LIN7A: variants seen among roughly 807,000 people sequenced by gnomAD.
LIN7A encodes the protein lin-7 cell polarity scaffold A, also known as protein lin-7 homolog A.
A neutral mutation model predicts 29.8 loss-of-function variants in LIN7A; 25 were observed. The observed-to-expected ratio is 0.84, with a 90% confidence interval of 0.61 to 1.17. The LOEUF (loss-of-function observed/expected upper bound fraction) is 1.17, where lower values mean the gene tolerates loss of function less well. Ranked by LOEUF, LIN7A falls within the 50% of genes most tolerant of loss-of-function variation. The pLI is 0.00. For missense variants in LIN7A, 239 were observed against 287.0 expected, an observed-to-expected ratio of 0.83 and a Z score of 1.21; for synonymous variants, 118 against 107.5, an observed-to-expected ratio of 1.10 and a Z score of -0.60.
At chr12:80,813,811 C>G (rs1175792007) in intron 4 of LIN7A, among the ~76,000 whole-genome samples, 1 of 152,054 alleles carries the variant, frequency 6.6e-6, no homozygotes, top group Non-Finnish European at 1.5e-5. Context: ...ATGACAGAAC[C>G]CTTAATTTAC....
At position 80,796,004 on chromosome 12, in the gene LIN7A, C is replaced by T. The variant is rs934913985; in HGVS notation, c.*1723G>A. The stretch of plus-strand genomic sequence containing the variant: ...ATTAGCAAATGTCCTAGTTTTCTTG[C>T]TGTTTTTCCTCTGGTGAGGGATGCA... On this transcript the variant is annotated 3_prime_UTR_variant, in exon 6 of 6. Coordinates refer to ENST00000552864, the MANE Select transcript of LIN7A (RefSeq NM_004664.4). The T allele has an allele frequency of 7.2e-5, 11 of 152,134 alleles. No individual in the cohort carries two copies. Among genetic ancestry groups the T allele is most frequent in the African/African-American group, 2.7e-4 (11 of 41,438 alleles). 9.4% of individuals were successfully genotyped at this position (152,134 alleles called of 1,614,324 possible).
intron 4 of LIN7A, among the ~76,000 whole-genome samples, chr12:80,834,458 A>G (rs1035835378): frequency 6.6e-6 from 1 of 152,208 alleles, no homozygotes; most frequent in African/African-American, 2.4e-5. Flanking sequence ...TACAATTCAG[A>G]GTAAGGTTGG....
chr12:80,876,843 C>T (rs146374444), intron 2 of LIN7A, among the ~76,000 whole-genome samples: 4 of 152,164 alleles, frequency 2.6e-5, no homozygotes, highest in South Asian at 2.1e-4. Flanking sequence ...TATTCTTGGC[C>T]GGGCGCGGTG....
intron 2 of LIN7A, among the ~76,000 whole-genome samples, chr12:80,886,722 T>C (rs556287289): frequency 6.6e-6 from 1 of 152,084 alleles, no homozygotes; most frequent in Non-Finnish European, 1.5e-5. Context: ...TGTCAAACTG[T>C]CTATGGATCA....
chr12:80,865,249 A>G (rs1472030004), intron 2 of LIN7A, among the ~76,000 whole-genome samples: 2 of 152,184 alleles, frequency 1.3e-5, no homozygotes, highest in Non-Finnish European at 2.9e-5. Context: ...ATCTCTGTGT[A>G]TTACAAAATT....
intron 1 of LIN7A, among the ~76,000 whole-genome samples, chr12:80,918,755 T>C (rs1468059609): frequency 1.3e-5 from 2 of 152,238 alleles, no homozygotes; most frequent in Non-Finnish European, 2.9e-5. Flanking sequence ...CATCTCTAAA[T>C]TGGATTTTAA....
chr12:80,827,510 C>A (rs189197605), intron 4 of LIN7A, among the ~76,000 whole-genome samples: 2 of 152,246 alleles, frequency 1.3e-5, no homozygotes, highest in Non-Finnish European at 2.9e-5. Context: ...AATGCATTAC[C>A]CCATACATAT....
chr12:80,813,982 T>C (rs1253965793), intron 4 of LIN7A, among the ~76,000 whole-genome samples: 3 of 152,040 alleles, frequency 2.0e-5, no homozygotes, highest in Non-Finnish European at 2.9e-5. Flanking sequence ...CCTCAATTGT[T>C]TGACATTACA....
intron 1 of LIN7A, among the ~76,000 whole-genome samples, chr12:80,928,678 C>T (rs1227904756): frequency 2.6e-5 from 4 of 152,110 alleles, no homozygotes; most frequent in Admixed American, 6.5e-5. Context: ...TTTTGCTGTT[C>T]AGGAGCTCTT....
At chr12:80,896,442 A>T (rs1167669067) in intron 1 of LIN7A, among the ~76,000 whole-genome samples, 1 of 152,242 alleles carries the variant, frequency 6.6e-6, no homozygotes, top group Non-Finnish European at 1.5e-5. Context: ...TGTACCAACA[A>T]CATAAAATAA....
At chr12:80,905,652 T>C (rs977486261) in intron 1 of LIN7A, among the ~76,000 whole-genome samples, 2 of 152,170 alleles carry the variant, frequency 1.3e-5, no homozygotes, top group Non-Finnish European at 2.9e-5. Flanking sequence ...ATTTCAAAGC[T>C]ATGGGGCTAG....
At chr12:80,921,496 TCTGGA>T (rs1273056958) in intron 1 of LIN7A, among the ~76,000 whole-genome samples, 1 of 140,996 alleles carries the variant, frequency 7.1e-6, no homozygotes, top group Non-Finnish European at 1.5e-5. Flanking sequence ...ACAGCAGCCT[TCTGGA>T]TCTGTCTTCA....
chr12:80,837,939 A>G (rs1455575295), intron 4 of LIN7A, among the ~76,000 whole-genome samples: 3 of 152,132 alleles, frequency 2.0e-5, no homozygotes, highest in Admixed American at 2.0e-4. Context: ...GACTTAGCTC[A>G]GTAGCTGGCA....
intron 4 of LIN7A, among the ~76,000 whole-genome samples, chr12:80,844,619 T>C (rs1311639392): frequency 6.6e-6 from 1 of 152,154 alleles, no homozygotes; most frequent in Non-Finnish European, 1.5e-5. Flanking sequence ...AAAGGTAACA[T>C]TGATAAGTTT....
intron 2 of LIN7A, among the ~76,000 whole-genome samples, chr12:80,870,324 G>A (rs995812530): frequency 2.0e-5 from 3 of 152,170 alleles, no homozygotes; most frequent in Non-Finnish European, 2.9e-5. Flanking sequence ...CTCCTCTAAA[G>A]TGTGGATTAA....
intron 2 of LIN7A, among the ~76,000 whole-genome samples, chr12:80,867,842 T>C (rs1304493793): frequency 6.6e-6 from 1 of 152,234 alleles, no homozygotes; most frequent in African/African-American, 2.4e-5. Context: ...ATTTTCAATT[T>C]GTGCCTCGCT....
At chr12:80,867,119 G>A (rs1874181936) in intron 2 of LIN7A, among the ~76,000 whole-genome samples, 1 of 152,062 alleles carries the variant, frequency 6.6e-6, no homozygotes, top group Admixed American at 6.6e-5. Context: ...GCCCAGCTAA[G>A]TTTCACATTT....
At chr12:80,830,016 T>C (rs563050155) in intron 4 of LIN7A, among the ~76,000 whole-genome samples, 1 of 152,316 alleles carries the variant, frequency 6.6e-6, no homozygotes, top group South Asian at 2.1e-4. Flanking sequence ...TTCAGCCTAG[T>C]GTACCTCACC....
At position 80,882,287 on chromosome 12, in the gene LIN7A, C is replaced by CTTTTT. The variant is rs56000415; in HGVS notation, c.201+6959_201+6963dup. On this transcript the variant is annotated intron_variant, in intron 2 of 5. Transcript: ENST00000552864. ...ACAGTACTATCATTTTTCTTTCATT[C>CTTTTT]TTTTTTTTTTTTTTTGAGACGGAGT... Among the ~76,000 whole-genome samples the CTTTTT allele has an allele frequency of 2.2e-3, 192 of 87,696 alleles. 44 individuals carry two copies. The highest frequency in any genetic ancestry group is 6.2e-3 in the South Asian group (17 of 2,752). 57.5% of individuals were successfully genotyped at this position (87,696 alleles called of 152,430 possible).
Sources: gnomAD v4.1 joint callset for allele counts (sites outside exome capture counted in the v4.1 genomes callset) on GRCh38, gnomAD v4.1.1 for gene constraint, MANE v1.5 for transcripts, NCBI Gene and HGNC (gene_info 2026-07-23, HGNC 2026-07-21) for gene names.